ZBTB20: variants seen among roughly 807,000 people sequenced by gnomAD.
The protein encoded by ZBTB20 is zinc finger and BTB domain containing 20.
ZBTB20 carries 9 observed loss-of-function variants against 56.9 expected under a neutral mutation model. That is an observed-to-expected ratio of 0.16 (90% CI 0.10 to 0.28). The LOEUF is 0.28. ZBTB20 is among the 10% of genes least tolerant of loss of function. The pLI, the probability that ZBTB20 is intolerant of heterozygous loss-of-function variation, is 1.00. For synonymous variants in ZBTB20, 417 were observed against 420.7 expected (o/e 0.99, Z 0.11); for missense variants, 655 against 1,003.0 (o/e 0.65, Z 4.69).
At chr3:115,146,800 C>T (rs1345873829) in intron 1 of ZBTB20, among the ~76,000 whole-genome samples, 1 of 152,294 alleles carries the variant, frequency 6.6e-6, no homozygotes, top group South Asian at 2.1e-4. Context: ...TCCCCCTCAG[C>T]TCCTCTTCTT....
intron 4 of ZBTB20, among the ~76,000 whole-genome samples, chr3:114,848,374 C>G (rs931800017): frequency 6.6e-6 from 1 of 152,132 alleles, no homozygotes; most frequent in Non-Finnish European, 1.5e-5. Context: ...AGGCCTGGCA[C>G]CGCTATAGAG....
rs74359113 is a variant in ZBTB20 at position 115,133,445 on chromosome 3, C to T, written c.-703+13774G>A. Among the ~76,000 whole-genome samples the T allele has an allele frequency of 4.4e-3, 664 of 152,268 alleles. 3 individuals carry two copies. Among genetic ancestry groups the T allele is most frequent in the African/African-American group, 0.014 (598 of 41,558 alleles). ...TTAAAGTATATAATTCAGTGACATT[C>T]GCAAGGTTGTATAAATATCACCAAC... On this transcript the variant is annotated intron_variant, in intron 1 of 11. Transcript: ENST00000675478.
chr3:115,081,033 GC>G (rs2082778798), intron 1 of ZBTB20, among the ~76,000 whole-genome samples: 1 of 152,156 alleles, frequency 6.6e-6, no homozygotes, highest in Non-Finnish European at 1.5e-5. Context: ...AGGATATCAT[GC>G]AAGTACTAGA....
chr3:115,120,573 T>C (rs755857487), intron 1 of ZBTB20, among the ~76,000 whole-genome samples: 10 of 152,024 alleles, frequency 6.6e-5, no homozygotes, highest in Non-Finnish European at 1.5e-4. Context: ...CGGGGGCAAA[T>C]TGCAGAATGT....
intron 1 of ZBTB20, among the ~76,000 whole-genome samples, chr3:115,083,726 G>A: frequency 6.6e-6 from 1 of 151,846 alleles, no homozygotes; most frequent in East Asian, 1.9e-4. Flanking sequence ...ATAGCATAGG[G>A]GTCAATGACC....
intron 4 of ZBTB20, among the ~76,000 whole-genome samples, chr3:114,867,594 C>T (rs1231786389): frequency 1.3e-5 from 2 of 152,130 alleles, no homozygotes; most frequent in Non-Finnish European, 2.9e-5. Context: ...CCCCACCACG[C>T]CCGGCTAACT....
At chr3:114,341,492 G>T (rs2079764686) in intron 11 of ZBTB20, among the ~76,000 whole-genome samples, 1 of 152,148 alleles carries the variant, frequency 6.6e-6, no homozygotes, top group South Asian at 2.1e-4. Flanking sequence ...TGGTATTTTG[G>T]CTGCTAAGAA....
At chr3:114,533,149 T>C (rs1003178013) in intron 6 of ZBTB20, among the ~76,000 whole-genome samples, 7 of 152,072 alleles carry the variant, frequency 4.6e-5, no homozygotes, top group East Asian at 2.0e-4. Flanking sequence ...GTTTGAGGAA[T>C]TGACAGAAGT....
chr3:114,800,557 A>C (rs1375877940), intron 5 of ZBTB20, among the ~76,000 whole-genome samples: 1 of 151,818 alleles, frequency 6.6e-6, no homozygotes. Flanking sequence ...GAACACACGC[A>C]CACAAGGGAA....
intron 6 of ZBTB20, among the ~76,000 whole-genome samples, chr3:114,610,075 AAAGCAGCAACAGCAGCAGCTG>A (rs745685381): frequency 6.6e-5 from 10 of 152,254 alleles, no homozygotes; most frequent in South Asian, 4.2e-4. Flanking sequence ...AGCAGCAGCA[AAAGCAGCAACAGCAGCAGCTG>A]AAGCAGCAAC....
chr3:114,661,431 A>G (rs1002913875), intron 6 of ZBTB20, among the ~76,000 whole-genome samples: 19 of 152,178 alleles, frequency 1.2e-4, no homozygotes, highest in Non-Finnish European at 2.5e-4. Context: ...AAGACCTTCT[A>G]TCAACCACCT....
chr3:114,642,075 T>C (rs1013057380), intron 6 of ZBTB20, among the ~76,000 whole-genome samples: 6 of 152,152 alleles, frequency 3.9e-5, no homozygotes, highest in East Asian at 1.9e-4. Context: ...CACAAGGTTC[T>C]ATCAACTAAT....
intron 2 of ZBTB20, among the ~76,000 whole-genome samples, chr3:115,021,615 A>G (rs1027444602): frequency 1.3e-5 from 2 of 150,874 alleles, no homozygotes; most frequent in African/African-American, 4.8e-5. Flanking sequence ...TATTTTCTCA[A>G]ATGAACATAT....
Position 114,390,023 on chromosome 3 carries a change from A to T in ZBTB20, c.-254-918T>A, listed in dbSNP as rs977120622. Among the ~76,000 whole-genome samples, 5 of 152,254 alleles carry T rather than the reference A, an allele frequency of 3.3e-5. No homozygotes were observed. The South Asian group carries it at 1.0e-3, about 32-fold the overall frequency. ...AACGATAGTCATGAGGATGTACAGT[A>T]CATCTCTGGAGTTATTCCTCCTGTC... On this transcript the variant is annotated intron_variant, in intron 7 of 11. Transcript: ENST00000675478.
intron 7 of ZBTB20, among the ~76,000 whole-genome samples, chr3:114,447,936 A>G (rs1210867446): frequency 1.3e-5 from 2 of 152,172 alleles, no homozygotes; most frequent in Non-Finnish European, 2.9e-5. Context: ...CCATGTTGCA[A>G]TATAAAATAA....
chr3:114,399,960 G>C (rs2086673191), intron 7 of ZBTB20, among the ~76,000 whole-genome samples: 1 of 152,044 alleles, frequency 6.6e-6, no homozygotes, highest in South Asian at 2.1e-4. Flanking sequence ...GCATAGATGA[G>C]GAGATTGAGG....
At chr3:115,033,576 T>C (rs1030695318) in intron 2 of ZBTB20, among the ~76,000 whole-genome samples, 2 of 151,770 alleles carry the variant, frequency 1.3e-5, no homozygotes, top group African/African-American at 4.8e-5. Flanking sequence ...TGCACTCTTA[T>C]ATTTGTTGCA....
In ZBTB20 at chr3:114,407,408, T is replaced by A. The variant is rs1268769340; in HGVS notation, c.-254-18303A>T. Among the ~76,000 whole-genome samples the A allele has an allele frequency of 2.0e-5, 3 of 152,194 alleles. No individual in the cohort carries two copies. In the East Asian group the frequency reaches 5.8e-4, roughly 29 times the overall value. On this transcript the variant is annotated intron_variant, in intron 7 of 11. Transcript: ENST00000675478. ...GCACTTTTATTGCAAGGCTTCTTAT[T>A]TTAAACAGGGTTGTCCAGAAATCCA...
chr3:114,796,507 A>C (rs992977736), intron 5 of ZBTB20, among the ~76,000 whole-genome samples: 25 of 151,988 alleles, frequency 1.6e-4, no homozygotes, highest in Non-Finnish European at 4.4e-5. Flanking sequence ...AGGAAAGTTA[A>C]TGGGGCAGCA....
Sources: allele counts gnomAD v4.1 joint callset (sites outside exome capture counted in the v4.1 genomes callset), GRCh38; gene constraint gnomAD v4.1.1; transcripts MANE v1.5; gene names NCBI Gene and HGNC (gene_info 2026-07-23, HGNC 2026-07-21).